The following PLCB4 variants were observed in gnomAD, a reference collection of about 807,000 sequenced individuals.
PLCB4 encodes phospholipase C beta 4.
PLCB4 carries 77 observed loss-of-function variants against 178.8 expected under a neutral mutation model. The ratio of observed to expected loss-of-function variants is 0.43; its 90% CI spans 0.36 to 0.52. The LOEUF (loss-of-function observed/expected upper bound fraction) is 0.52, where lower values mean the gene tolerates loss of function less well. Among genes scored for constraint, PLCB4 ranks in the 20% least tolerant of loss-of-function variants. PLCB4 has a pLI of 0.00. For missense variants in PLCB4, 1,024 were observed against 1,453.4 expected (o/e 0.70, Z 4.80); for synonymous variants, 496 against 490.8 (o/e 1.01, Z -0.14).
chr20:9,408,919 AT>A, intron 23 of PLCB4, 137 bp from the exon 24 acceptor site: 1 of 811,388 alleles, frequency 1.2e-6, no homozygotes, highest in South Asian at 1.6e-5. Context: ...CTTAAGCATC[AT>A]TTGTAAATGT....
chr20:9,115,219 C>T (rs1290322998), intron 2 of PLCB4, among the ~76,000 whole-genome samples: 5 of 151,994 alleles, frequency 3.3e-5, no homozygotes, highest in Non-Finnish European at 1.5e-5. Context: ...ATAAATCTTA[C>T]GTTATTCATT....
chr20:9,112,089 T>C (rs73609424), intron 2 of PLCB4, among the ~76,000 whole-genome samples: 3,336 of 152,270 alleles, frequency 0.022, 109 homozygotes, highest in African/African-American at 0.074. Flanking sequence ...TTTACTTTCA[T>C]TATCACAAAA....
At chr20:9,141,662 A>G (rs117291374) in intron 2 of PLCB4, among the ~76,000 whole-genome samples, 2,208 of 152,246 alleles carry the variant, frequency 0.015, 15 homozygotes, top group South Asian at 0.026. Flanking sequence ...AGACACATAC[A>G]AGTTGGTATA....
intron 2 of PLCB4, among the ~76,000 whole-genome samples, 166 bp from the exon 3 acceptor site, chr20:9,217,224 T>C (rs1307478891): frequency 1.3e-5 from 2 of 152,238 alleles, no homozygotes; most frequent in African/African-American, 4.8e-5. Context: ...ATGATGACTG[T>C]GTGTCTGTGT....
chr20:9,424,787 C>A (rs145451818), intron 28 of PLCB4, among the ~76,000 whole-genome samples: 4 of 152,044 alleles, frequency 2.6e-5, no homozygotes, highest in South Asian at 4.1e-4. Context: ...AATGTATGAG[C>A]GCATGGGGGT....
chr20:9,098,085 A>G (rs1004020955), intron 2 of PLCB4, among the ~76,000 whole-genome samples: 1 of 152,226 alleles, frequency 6.6e-6, no homozygotes, highest in African/African-American at 2.4e-5. Flanking sequence ...TATTGCAGTG[A>G]ATTGACTGCA....
chr20:9,314,367 T>C (rs2094874719), intron 4 of PLCB4, among the ~76,000 whole-genome samples: 1 of 152,018 alleles, frequency 6.6e-6, no homozygotes, highest in Admixed American at 6.5e-5. Context: ...TAATGGACAG[T>C]CAGTCACACA....
At chr20:9,093,311 C>T (rs762893745) in intron 1 of PLCB4, among the ~76,000 whole-genome samples, 6 of 152,232 alleles carry the variant, frequency 3.9e-5, no homozygotes, top group Middle Eastern at 3.4e-3. Flanking sequence ...GTAACTCGTT[C>T]GTAATTATTA....
chr20:9,238,307 G>A (rs568237858), intron 3 of PLCB4, among the ~76,000 whole-genome samples: 3 of 152,250 alleles, frequency 2.0e-5, no homozygotes, highest in South Asian at 2.1e-4. Flanking sequence ...ACATGGTTTC[G>A]GAAAGAAATA....
At chr20:9,288,232 T>C (rs751058960) in intron 3 of PLCB4, among the ~76,000 whole-genome samples, 45 of 152,192 alleles carry the variant, frequency 3.0e-4, no homozygotes, top group Non-Finnish European at 6.0e-4. Flanking sequence ...CTGTAAGCAA[T>C]GTTAGGATCT....
chr20:9,184,324 A>G (rs143836996), intron 2 of PLCB4, among the ~76,000 whole-genome samples: 439 of 152,234 alleles, frequency 2.9e-3, no homozygotes, highest in African/African-American at 0.01. Flanking sequence ...AGATAGCTTT[A>G]TTTGGCTCAG....
intron 2 of PLCB4, among the ~76,000 whole-genome samples, chr20:9,125,025 C>T (rs1415460356): frequency 2.0e-5 from 3 of 152,016 alleles, no homozygotes; most frequent in Admixed American, 6.6e-5. Flanking sequence ...TAATGTTAAG[C>T]CTGGCCCCAT....
intron 30 of PLCB4, among the ~76,000 whole-genome samples, chr20:9,438,468 C>G (rs1447186853): frequency 6.6e-6 from 1 of 151,750 alleles, no homozygotes; most frequent in Non-Finnish European, 1.5e-5. Flanking sequence ...AGGACAGATC[C>G]CAGAGATAGA....
chr20:9,158,268 C>T (rs964415747), intron 2 of PLCB4, among the ~76,000 whole-genome samples: 3 of 151,648 alleles, frequency 2.0e-5, no homozygotes, highest in African/African-American at 7.3e-5. Flanking sequence ...TTTAATGTTT[C>T]TCACTTTTTT....
rs191581321 is a variant in PLCB4 at position 9,356,100 on chromosome 20, G to A, written c.370-6796G>A. 3.6e-3 allele frequency among the ~76,000 whole-genome samples: 541 copies of A among 152,282 alleles called. 3 individuals are homozygous for A. Among genetic ancestry groups the A allele is most frequent in the African/African-American group, 0.012 (515 of 41,552 alleles). ...TTTGGCTGCATAAATGTCTTCTTTT[G>A]AGAAGTGTTTGTTCATATCCTTTGC... On this transcript the variant is annotated intron_variant, in intron 7 of 39. Coordinates refer to ENST00000378473, the MANE Select transcript of PLCB4 (RefSeq NM_001377142.1).
intron 3 of PLCB4, among the ~76,000 whole-genome samples, chr20:9,260,458 G>C (rs971280968): frequency 2.0e-5 from 3 of 152,064 alleles, no homozygotes; most frequent in East Asian, 1.9e-4. Context: ...TGGCACAGTG[G>C]TTCCCTTTGA....
At chr20:9,237,463 A>G (rs143007390) in intron 3 of PLCB4, among the ~76,000 whole-genome samples, 250 of 152,302 alleles carry the variant, frequency 1.6e-3, no homozygotes, top group South Asian at 5.0e-3. Context: ...CTTGCTCCTC[A>G]AGGTATTGTC....
chr20:9,296,610 A>G (rs1437091011), intron 3 of PLCB4, among the ~76,000 whole-genome samples: 7 of 152,146 alleles, frequency 4.6e-5, no homozygotes, highest in South Asian at 2.1e-4. Context: ...AACCAACCCA[A>G]ATGTCCAACA....
At chr20:9,197,415 T>A (rs1272666978) in intron 2 of PLCB4, among the ~76,000 whole-genome samples, 1 of 152,164 alleles carries the variant, frequency 6.6e-6, no homozygotes, top group East Asian at 1.9e-4. Context: ...AGACTTAGTA[T>A]GAAAAAATAA....
Sources: allele counts gnomAD v4.1 joint callset (sites outside exome capture counted in the v4.1 genomes callset), GRCh38; gene constraint gnomAD v4.1.1; transcripts MANE v1.5; gene names NCBI Gene and HGNC (gene_info 2026-07-23, HGNC 2026-07-21).